SYNPO: variants seen among roughly 807,000 people sequenced by gnomAD.
SYNPO encodes the protein synaptopodin.
SYNPO carries 19 observed loss-of-function variants against 49.5 expected under a neutral mutation model. That is an observed-to-expected ratio of 0.38 (90% CI 0.27 to 0.56). SYNPO has a LOEUF of 0.56. Among genes scored for constraint, SYNPO ranks in the 20% least tolerant of loss-of-function variants. SYNPO has a pLI of 0.68. For synonymous variants in SYNPO, 536 were observed against 548.0 expected, an observed-to-expected ratio of 0.98 and a Z score of 0.31; for missense variants, 1,131 against 1,248.3, an observed-to-expected ratio of 0.91 and a Z score of 1.42.
the SYNPO span, among the ~76,000 whole-genome samples, chr5:150,588,374 T>C: frequency 6.6e-6 from 1 of 152,230 alleles, no homozygotes; most frequent in Non-Finnish European, 1.5e-5. Flanking sequence ...GTCACTACCC[T>C]GGACTTCTGC....
At chr5:150,597,282 TGC>T (rs1316089658), upstream of SYNPO, among the ~76,000 whole-genome samples, 1 of 152,244 alleles carries the variant, frequency 6.6e-6, no homozygotes, top group African/African-American at 2.4e-5. Context: ...GGACATAGTG[TGC>T]TGTGCTGATT....
chr5:150,631,731 C>A (rs963142662), intron 2 of SYNPO, among the ~76,000 whole-genome samples: 1 of 152,176 alleles, frequency 6.6e-6, no homozygotes, highest in African/African-American at 2.4e-5. Context: ...TTCATGCCCC[C>A]CCAGCCACTT....
chr5:150,633,288 A>G (rs1192843110), intron 2 of SYNPO, among the ~76,000 whole-genome samples: 2 of 152,204 alleles, frequency 1.3e-5, no homozygotes, highest in African/African-American at 4.8e-5. Flanking sequence ...CTTTTAGAGG[A>G]AACTGAGGCT....
intron 1 of SYNPO, among the ~76,000 whole-genome samples, chr5:150,646,658 G>A (rs931237203): frequency 2.0e-5 from 3 of 152,154 alleles, no homozygotes; most frequent in South Asian, 2.1e-4. Context: ...CCAGGATGTC[G>A]AGGCTGCAAT....
chr5:150,631,395 G>A (rs1219137536), intron 2 of SYNPO, among the ~76,000 whole-genome samples: 1 of 152,214 alleles, frequency 6.6e-6, no homozygotes, highest in Non-Finnish European at 1.5e-5. Flanking sequence ...GCAGCCAAGG[G>A]GGCAAGGGAA....
chr5:150,603,377 C>G (rs555077778), intron 1 of SYNPO, among the ~76,000 whole-genome samples: 4 of 152,336 alleles, frequency 2.6e-5, no homozygotes, highest in African/African-American at 7.2e-5. Context: ...TCTGGGGGGG[C>G]CCCTTGGCAA....
chr5:150,612,335 C>G (rs2151354854), intron 1 of SYNPO, among the ~76,000 whole-genome samples: 1 of 152,288 alleles, frequency 6.6e-6, no homozygotes, highest in East Asian at 1.9e-4. Context: ...CTGGCCACCC[C>G]ACATGTATTG....
At chr5:150,631,286 AG>A (rs1428734940) in intron 2 of SYNPO, among the ~76,000 whole-genome samples, 2 of 152,238 alleles carry the variant, frequency 1.3e-5, no homozygotes, top group Non-Finnish European at 2.9e-5. Flanking sequence ...ATGAGCGTTT[AG>A]GGAAGAGGCA....
intron 1 of SYNPO, among the ~76,000 whole-genome samples, chr5:150,611,090 T>C (rs781231449): frequency 6.6e-6 from 1 of 152,230 alleles, no homozygotes; most frequent in Non-Finnish European, 1.5e-5. Flanking sequence ...TGTTAAGATT[T>C]GTTATGTTCA....
intron 1 of SYNPO, among the ~76,000 whole-genome samples, chr5:150,644,177 A>T (rs1038591594): frequency 2.0e-5 from 3 of 152,010 alleles, no homozygotes; most frequent in Non-Finnish European, 2.9e-5. Flanking sequence ...TCAGAAAAAA[A>T]AAAAAAAAAA....
chr5:150,655,942 C>G (rs955172622), intron 2 of SYNPO, among the ~76,000 whole-genome samples: 1 of 152,362 alleles, frequency 6.6e-6, no homozygotes, highest in East Asian at 1.9e-4. Flanking sequence ...CGGGCCACCG[C>G]GCCAAGCCCT....
In SYNPO at chr5:150,656,426, C is replaced by T. The variant is rs1174073350; in HGVS notation, c.2051C>T (p.Thr684Ile). Residue 684 changes from threonine to isoleucine, a missense_variant, in exon 3 of 3, where the codon ACC (threonine) becomes ATC (isoleucine). Transcript: ENST00000307662. ...CAGGACCGCCGGGAGAGCCTGCCCA[C>T]CTCCCCACCCTGGACGCCGGGCGCG... is the stretch of plus-strand genomic sequence containing the variant. Reference protein sequence around the residue: ...EAQDRRESLPTSPPWTPGASR... With the variant: ...EAQDRRESLPISPPWTPGASR... 2 of 1,531,774 alleles carry T rather than the reference C, an allele frequency of 1.3e-6. No individual in the cohort carries two copies. The highest frequency in any genetic ancestry group is 2.0e-5 in the Admixed American group (1 of 50,718). The allele number at this position is 1,531,774 out of a possible 1,614,324, so 94.9% of individuals were successfully genotyped here. A position where few individuals can be genotyped will look rare whatever the true frequency, so the allele number is the denominator to read the frequency against.
chr5:150,587,246 G>T, the SYNPO span, among the ~76,000 whole-genome samples: 1 of 152,030 alleles, frequency 6.6e-6, no homozygotes, highest in Non-Finnish European at 1.5e-5. Context: ...ATGGATGGAT[G>T]GATATATGGA....
chr5:150,617,075 T>G (rs972840459), intron 1 of SYNPO, among the ~76,000 whole-genome samples: 3 of 152,194 alleles, frequency 2.0e-5, no homozygotes, highest in Admixed American at 2.0e-4. Context: ...CAACATGTAT[T>G]AAGGTATGGC....
chr5:150,652,159 C>G (rs1758411851), intron 2 of SYNPO: 24 of 1,002,164 alleles, frequency 2.4e-5, no homozygotes, highest in Non-Finnish European at 2.8e-5. Flanking sequence ...GAGCTCAGCT[C>G]CTTCAGGCCT....
chr5:150,623,338 C>T (rs1290253968), intron 2 of SYNPO, among the ~76,000 whole-genome samples: 1 of 152,156 alleles, frequency 6.6e-6, no homozygotes, highest in Non-Finnish European at 1.5e-5. Context: ...TTCTTTTCCA[C>T]ATCTCTTTCT....
At chr5:150,613,763 A>G (rs1756912944) in intron 1 of SYNPO, among the ~76,000 whole-genome samples, 1 of 152,150 alleles carries the variant, frequency 6.6e-6, no homozygotes, top group Admixed American at 6.6e-5. Context: ...CCTTCCACCT[A>G]TAAAATTAGA....
chr5:150,610,082 G>A (rs543284024), intron 1 of SYNPO, among the ~76,000 whole-genome samples: 7 of 152,346 alleles, frequency 4.6e-5, no homozygotes, highest in South Asian at 2.1e-4. Context: ...TAGATGTGAC[G>A]TACTGGGGAC....
intron 2 of SYNPO, among the ~76,000 whole-genome samples, chr5:150,620,899 C>CCCTTTCTTTCTTTCTT: frequency 9.2e-6 from 1 of 108,922 alleles, no homozygotes; most frequent in South Asian, 3.7e-4. Context: ...TTCTTTTTTT[C>CCCTTTCTTTCTTTCTT]TCTTTCTTTC....
Sources: gnomAD v4.1 joint callset for allele counts (sites outside exome capture counted in the v4.1 genomes callset) on GRCh38, gnomAD v4.1.1 for gene constraint, MANE v1.5 for transcripts, NCBI Gene and HGNC (gene_info 2026-07-23, HGNC 2026-07-21) for gene names.